TMEM200A: variants seen among roughly 807,000 people sequenced by gnomAD.
TMEM200A encodes the protein two transmembrane C.
In TMEM200A, 12 loss-of-function variants were observed where a neutral mutation model predicts 24.3. That is an observed-to-expected ratio of 0.49 (90% CI 0.32 to 0.80). The LOEUF (loss-of-function observed/expected upper bound fraction) is 0.80. Ranked by LOEUF, TMEM200A falls within the 30% of genes least tolerant of loss-of-function variation. The pLI, the probability that TMEM200A is intolerant of heterozygous loss-of-function variation, is 0.04. For synonymous variants in TMEM200A, 224 were observed against 224.4 expected, an observed-to-expected ratio of 1.00 and a Z score of 0.02; for missense variants, 545 against 614.4, an observed-to-expected ratio of 0.89 and a Z score of 1.19.
chr6:130,429,528 G>A (rs1372237899), intron 2 of TMEM200A, among the ~76,000 whole-genome samples: 1 of 152,148 alleles, frequency 6.6e-6, no homozygotes, highest in Non-Finnish European at 1.5e-5. Context: ...ATAGGTGGTA[G>A]TATTTCAAAC....
intron 2 of TMEM200A, among the ~76,000 whole-genome samples, chr6:130,416,334 T>C (rs994879263): frequency 6.6e-6 from 1 of 151,486 alleles, no homozygotes; most frequent in African/African-American, 2.4e-5. Flanking sequence ...TCTGTCTCTC[T>C]CTCTGTGTGT....
intron 2 of TMEM200A, among the ~76,000 whole-genome samples, chr6:130,411,238 T>C (rs1173190724): frequency 6.6e-6 from 1 of 152,044 alleles, no homozygotes; most frequent in Non-Finnish European, 1.5e-5. Flanking sequence ...TAGTTGACTG[T>C]GTTGGGATGA....
chr6:130,436,630 CCT>C (rs1490029952), intron 2 of TMEM200A, among the ~76,000 whole-genome samples: 1,382 of 66,688 alleles, frequency 0.021, 328 homozygotes, highest in African/African-American at 0.038. Context: ...TTTTCTTTAT[CCT>C]TTTTTTTTTT....
chr6:130,433,920 T>C (rs111672436), intron 2 of TMEM200A, among the ~76,000 whole-genome samples: 1 of 152,366 alleles, frequency 6.6e-6, no homozygotes, highest in African/African-American at 2.4e-5. Context: ...CCCTCATTTA[T>C]GTGCCAAGCC....
At chr6:130,382,922 C>T (rs985600859) in intron 1 of TMEM200A, 6 of 501,188 alleles carry the variant, frequency 1.2e-5, no homozygotes, top group African/African-American at 2.1e-5. Flanking sequence ...TGTGAAGTCA[C>T]TTGTCTGTGG....
At chr6:130,382,566 A>C (rs944259486) in intron 1 of TMEM200A, among the ~76,000 whole-genome samples, 1 of 152,176 alleles carries the variant, frequency 6.6e-6, no homozygotes, top group Non-Finnish European at 1.5e-5. Flanking sequence ...ATGAAATGAT[A>C]GTGACTGGTC....
Position 130,386,757 on chromosome 6 carries a change from C to T in TMEM200A, c.-17+1521C>T, listed in dbSNP as rs550587296. Among the ~76,000 whole-genome samples the T allele has an allele frequency of 2.6e-5, 4 of 152,274 alleles. No individual in the cohort carries two copies. The South Asian group carries it at 6.2e-4, about 24-fold the overall frequency. On this transcript the variant is annotated intron_variant, in intron 2 of 2. Coordinates refer to ENST00000296978, the MANE Select transcript of TMEM200A (RefSeq NM_001258277.2). ...CCAAGAAATTGTAAGAATGTCGTTT[C>T]GACAGATAGGAGCTTGGAGCATTTT...
At chr6:130,404,149 T>C (rs1779153577) in intron 2 of TMEM200A, among the ~76,000 whole-genome samples, 1 of 152,186 alleles carries the variant, frequency 6.6e-6, no homozygotes, top group Admixed American at 6.5e-5. Flanking sequence ...CATGTGCAAG[T>C]GTCTTTATAA....
At chr6:130,408,256 G>A (rs1270847544) in intron 2 of TMEM200A, among the ~76,000 whole-genome samples, 1 of 152,190 alleles carries the variant, frequency 6.6e-6, no homozygotes, top group Non-Finnish European at 1.5e-5. Flanking sequence ...GAAGGATCAG[G>A]AGGGAGCATT....
intron 2 of TMEM200A, among the ~76,000 whole-genome samples, chr6:130,399,552 AT>A (rs958183640): frequency 2.0e-5 from 3 of 151,534 alleles, no homozygotes; most frequent in Non-Finnish European, 4.4e-5. Context: ...TTATTATTAT[AT>A]TTTTATTCGA....
intron 2 of TMEM200A, among the ~76,000 whole-genome samples, chr6:130,394,993 C>T (rs534501116): frequency 1.3e-5 from 2 of 152,312 alleles, no homozygotes; most frequent in South Asian, 2.1e-4. Context: ...AATCAGGAGC[C>T]TCCTGATAGA....
intron 2 of TMEM200A, among the ~76,000 whole-genome samples, chr6:130,436,093 A>G (rs575877392): frequency 4.6e-5 from 7 of 152,292 alleles, no homozygotes; most frequent in Non-Finnish European, 1.0e-4. Flanking sequence ...AGAAAAAAGA[A>G]AACCTCAAAT....
chr6:130,442,398 T>C lies in TMEM200A; in HGVS notation c.*500T>C, dbSNP rs1330718498. 1 of 166,182 alleles carries C rather than the reference T, an allele frequency of 6.0e-6. No individual in the cohort carries two copies. The highest frequency in any genetic ancestry group is 1.5e-5 in the Non-Finnish European group (1 of 68,198). The allele number at this position is 166,182 out of a possible 1,614,324, so 10.3% of individuals were successfully genotyped here. A position where few individuals can be genotyped will look rare whatever the true frequency, so the allele number is the denominator to read the frequency against. On this transcript the variant is annotated 3_prime_UTR_variant, in exon 3 of 3. Coordinates refer to ENST00000296978, the MANE Select transcript of TMEM200A (RefSeq NM_001258277.2). ...TATTTAAAATGAAAAAGATCTAGTT[T>C]TAGTGTGAGCTCAGTAATGTTAATT...
chr6:130,426,876 T>C (rs1779757060), intron 2 of TMEM200A, among the ~76,000 whole-genome samples: 1 of 152,230 alleles, frequency 6.6e-6, no homozygotes, highest in South Asian at 2.1e-4. Flanking sequence ...CAATTCTAAA[T>C]TCATCCTCTA....
At chr6:130,407,671 G>C (rs1779236604) in intron 2 of TMEM200A, among the ~76,000 whole-genome samples, 1 of 152,206 alleles carries the variant, frequency 6.6e-6, no homozygotes, top group African/African-American at 2.4e-5. Flanking sequence ...ATGAGTAAGA[G>C]CCAAGAAGCT....
rs1780224921 is a variant in TMEM200A, at chr6:130,442,612, A to G, written c.*714A>G. On this transcript the variant is annotated 3_prime_UTR_variant, in exon 3 of 3. Transcript: ENST00000296978. The stretch of plus-strand genomic sequence containing the variant: ...ATAACGTTAGATACTCGGAATCAAA[A>G]TTTATTTGCAAGCTGACTTGATAAA... The G allele has an allele frequency of 6.0e-6, 1 of 166,816 alleles. No individual in the cohort carries two copies. Among genetic ancestry groups the G allele is most frequent in the South Asian group, 2.1e-4 (1 of 4,836 alleles). 10.3% of individuals were successfully genotyped at this position (166,816 alleles called of 1,614,324 possible). A position where few individuals can be genotyped will look rare whatever the true frequency, so the allele number is the denominator to read the frequency against.
Position 130,366,774 on chromosome 6 carries a change from C to G in TMEM200A, c.-81+250C>G, listed in dbSNP as rs1247869312. Among the ~76,000 whole-genome samples the G allele has an allele frequency of 6.6e-6, 1 of 152,198 alleles. No individual in the cohort carries two copies. The highest frequency in any genetic ancestry group is 1.5e-5 in the Non-Finnish European group (1 of 68,028). On this transcript the variant is annotated intron_variant, in intron 1 of 2. Coordinates refer to ENST00000296978, the MANE Select transcript of TMEM200A (RefSeq NM_001258277.2). This position sits in a 1 kb window ranked among gnomAD's most constrained non-coding sequence, Gnocchi z 4.4. ...TCCAAGAACCCGGAGTACTGGAGCG[C>G]CTGGCTGGGTTTCTCCAAGCAACAC...
In TMEM200A at chr6:130,440,410, A is replaced by G. The variant is rs1780128432; in HGVS notation, c.-13A>G. 1 of 1,531,006 alleles carries G rather than the reference A, an allele frequency of 6.5e-7. No individual in the cohort carries two copies. Among genetic ancestry groups the G allele is most frequent in the African/African-American group, 1.4e-5 (1 of 71,644 alleles). 94.8% of individuals were successfully genotyped at this position (1,531,006 alleles called of 1,614,324 possible). ...TCCTTTTTTTTTTCTTCTTCAGAGT[A>G]AAAGGCCAAGCTATGATAGCAACTG... is the stretch of plus-strand genomic sequence containing the variant. On this transcript the variant is annotated 5_prime_UTR_variant, in exon 3 of 3. Coordinates refer to ENST00000296978, the MANE Select transcript of TMEM200A (RefSeq NM_001258277.2).
chr6:130,370,375 A>G (rs1778291272), intron 1 of TMEM200A, among the ~76,000 whole-genome samples: 1 of 152,090 alleles, frequency 6.6e-6, no homozygotes, highest in African/African-American at 2.4e-5. Flanking sequence ...CATGTGCCCA[A>G]CCCTGTGTAT....
Sources: allele counts gnomAD v4.1 joint callset (sites outside exome capture counted in the v4.1 genomes callset), GRCh38; gene constraint gnomAD v4.1.1; non-coding constraint Gnocchi (gnomAD v3.1); transcripts MANE v1.5; gene names NCBI Gene and HGNC (gene_info 2026-07-23, HGNC 2026-07-21).